The following SETD2 variants were observed in gnomAD, a reference collection of about 807,000 sequenced individuals.
The protein encoded by SETD2 is histone-lysine N-methyltransferase SETD2.
Under a neutral mutation model 242.1 loss-of-function variants are expected in SETD2, and 31 were observed. The observed-to-expected ratio is 0.13, with a 90% CI of 0.10 to 0.17. The LOEUF (loss-of-function observed/expected upper bound fraction) is 0.17, where lower values mean the gene tolerates loss of function less well. Among genes scored for constraint, SETD2 ranks in the 10% least tolerant of loss-of-function variants. The probability of loss-of-function intolerance (pLI) is 1.00; values close to 1 mark genes in which losing one functional copy is unlikely to be tolerated. For synonymous variants in SETD2, 1,006 were observed against 1,066.5 expected, an observed-to-expected ratio of 0.94 and a Z score of 1.11; for missense variants, 2,481 against 3,046.3, an observed-to-expected ratio of 0.81 and a Z score of 4.37.
chr3:47,129,670 G>A (rs1170875597), intron 1 of SETD2, among the ~76,000 whole-genome samples: 2 of 152,200 alleles, frequency 1.3e-5, no homozygotes, highest in African/African-American at 4.8e-5. Context: ...TGGATCACCT[G>A]AGGTTAGGAG....
At chr3:47,072,352 TTGTTA>T (rs1183169092) in intron 12 of SETD2, among the ~76,000 whole-genome samples, 1 of 152,188 alleles carries the variant, frequency 6.6e-6, no homozygotes, top group Non-Finnish European at 1.5e-5. Flanking sequence ...TTTCCACCTT[TTGTTA>T]TATAGAGATC....
chr3:47,069,572 C>T (rs1277270310), intron 12 of SETD2, among the ~76,000 whole-genome samples: 1 of 152,162 alleles, frequency 6.6e-6, no homozygotes, highest in African/African-American at 2.4e-5. Context: ...CTATTCTTAT[C>T]CTCACCCACC....
rs1038486814 is a variant in SETD2 at position 47,017,583 on chromosome 3, G to A, written c.7533+55C>T. The stretch of plus-strand genomic sequence containing the variant: ...TATGATGAAAAGGGCTTCTTAGAAG[G>A]TACACAGTTTGCCCAGAACATTGCC... On this transcript the variant is annotated intron_variant, in intron 20 of 20. Transcript: ENST00000409792. This position sits in a 1 kb window ranked among gnomAD's most constrained non-coding sequence, Gnocchi z 4.8. 5 of 1,235,102 alleles carry A rather than the reference G, an allele frequency of 4.0e-6. No individual in the cohort carries two copies. In the African/African-American group the frequency reaches 4.4e-5, roughly 11 times the overall value. The allele number at this position is 1,235,102 out of a possible 1,614,324, so 76.5% of individuals were successfully genotyped here. A position where few individuals can be genotyped will look rare whatever the true frequency, so the allele number is the denominator to read the frequency against.
intron 9 of SETD2, among the ~76,000 whole-genome samples, chr3:47,090,385 ATTTT>A (rs2107656799): frequency 6.6e-6 from 1 of 151,992 alleles, no homozygotes; most frequent in South Asian, 2.1e-4. Context: ...ATGGATTATT[ATTTT>A]TTTATTTTTT....
chr3:47,017,526 T>C lies in SETD2; in HGVS notation c.7533+112A>G. 1.2e-6 allele frequency: 1 copy of C among 844,074 alleles called. No individual in the cohort carries two copies. Among genetic ancestry groups the C allele is most frequent in the Non-Finnish European group, 1.9e-6 (1 of 525,134 alleles). The allele number at this position is 844,074 out of a possible 1,614,324, so 52.3% of individuals were successfully genotyped here. On this transcript the variant is annotated intron_variant, in intron 20 of 20. Transcript: ENST00000409792. This position sits in a 1 kb window ranked among gnomAD's most constrained non-coding sequence, Gnocchi z 4.8. ...CTCCCCGTTCCTGGGTCCCCAGCTC[T>C]GACATCTGACAAGAAAAAAAAAAAT...
intron 12 of SETD2, among the ~76,000 whole-genome samples, chr3:47,068,024 G>A (rs1222802533): frequency 6.6e-6 from 1 of 152,146 alleles, no homozygotes; most frequent in Non-Finnish European, 1.5e-5. Context: ...ACCTTTTCTT[G>A]TGTTATCTAA....
At chr3:47,058,763 A>G (rs369071097) in intron 14 of SETD2, among the ~76,000 whole-genome samples, 56 of 152,082 alleles carry the variant, frequency 3.7e-4, no homozygotes, top group Admixed American at 1.1e-3. Context: ...GGAGTTAGGG[A>G]TGTGGAAGGG....
intron 12 of SETD2, among the ~76,000 whole-genome samples, chr3:47,069,688 G>T (rs946358240): frequency 6.6e-5 from 10 of 152,120 alleles, no homozygotes; most frequent in Non-Finnish European, 1.2e-4. Context: ...CTTTAGAGAG[G>T]GGGTACATTC....
chr3:47,149,286 T>C (rs1281853239), intron 1 of SETD2, among the ~76,000 whole-genome samples: 1 of 152,186 alleles, frequency 6.6e-6, no homozygotes, highest in African/African-American at 2.4e-5. Context: ...ACAACCTGTA[T>C]GTCTTTGGAC....
chr3:47,131,420 T>C (rs930820801), intron 1 of SETD2, among the ~76,000 whole-genome samples: 3 of 152,142 alleles, frequency 2.0e-5, no homozygotes, highest in Non-Finnish European at 2.9e-5. Flanking sequence ...CTCAGCTCAC[T>C]GCAAGCTCCG....
rs114332101 is a variant in SETD2, at chr3:47,056,974, A to G, written c.6810T>C (p.Tyr2270=). ...ACTGTTGGTTTGAATCCCAAACACT[A>G]TAATTCTGTCCCTGAACTGGGCCGG... is the stretch of plus-strand genomic sequence containing the variant. ...PAPGPVQGQN[Y]SVWDSNQQSV... The change falls in exon 15 of 21, where the codon TAT becomes TAC. Residue 2270 remains tyrosine, a synonymous_variant. Coordinates refer to ENST00000409792, the MANE Select transcript of SETD2 (RefSeq NM_014159.7). 8.7e-6 allele frequency: 14 copies of G among 1,614,264 alleles called. No homozygotes were observed. In the African/African-American group the frequency reaches 9.3e-5, roughly 11 times the overall value.
intron 10 of SETD2, among the ~76,000 whole-genome samples, chr3:47,086,684 T>G (rs2107647266): frequency 6.6e-6 from 1 of 151,936 alleles, no homozygotes; most frequent in East Asian, 1.9e-4. Context: ...CTTTCTTCTC[T>G]CCCTTTCAGA....
intron 1 of SETD2, among the ~76,000 whole-genome samples, chr3:47,133,647 C>T (rs977704494): frequency 1.3e-5 from 2 of 152,072 alleles, no homozygotes; most frequent in Non-Finnish European, 2.9e-5. Flanking sequence ...GCATGAGATT[C>T]GCTTGAACCC....
intron 8 of SETD2, among the ~76,000 whole-genome samples, chr3:47,099,826 T>C (rs1432048696): frequency 6.6e-6 from 1 of 152,190 alleles, no homozygotes; most frequent in Non-Finnish European, 1.5e-5. Flanking sequence ...TCTCATCAAC[T>C]ATTTGGTTTA....
chr3:47,070,039 A>G (rs2107606989), intron 12 of SETD2, among the ~76,000 whole-genome samples: 1 of 152,332 alleles, frequency 6.6e-6, no homozygotes, highest in Non-Finnish European at 1.5e-5. Context: ...GGGTCCCACT[A>G]AGAATAACAC....
At chr3:47,067,000 T>C (rs944981154) in intron 13 of SETD2, 70 bp downstream of exon 13, 3 of 1,124,192 alleles carry the variant, frequency 2.7e-6, no homozygotes, top group African/African-American at 3.1e-5. Context: ...TAAGTTCTTA[T>C]CAGTTACCTC....
intron 8 of SETD2, among the ~76,000 whole-genome samples, chr3:47,101,134 G>C (rs1174100610): frequency 6.6e-6 from 1 of 151,278 alleles, no homozygotes; most frequent in East Asian, 1.9e-4. Context: ...AACGGATACA[G>C]AGGAATTTAT....
Position 47,113,280 on chromosome 3 carries a change from C to CT in SETD2, c.4715+595dup, listed in dbSNP as rs1464248061. 3.3e-5 allele frequency among the ~76,000 whole-genome samples: 5 copies of CT among 152,166 alleles called. No individual in the cohort carries two copies. In the East Asian group the frequency reaches 7.7e-4, roughly 24 times the overall value. ...ACTGCACCTGGCCTTCTCTTCTACT[C>CT]TTATCCCAACTCAATTTTATGTATA... On this transcript the variant is annotated intron_variant, in intron 5 of 20. Coordinates refer to ENST00000409792, the MANE Select transcript of SETD2 (RefSeq NM_014159.7).
At chr3:47,064,132 A>AC (rs2040456368) in intron 13 of SETD2, among the ~76,000 whole-genome samples, 1 of 152,212 alleles carries the variant, frequency 6.6e-6, no homozygotes, top group Non-Finnish European at 1.5e-5. Flanking sequence ...GTCTCAATAA[A>AC]CATTTACTGC....
Sources: allele counts gnomAD v4.1 joint callset (sites outside exome capture counted in the v4.1 genomes callset), GRCh38; gene constraint gnomAD v4.1.1; non-coding constraint Gnocchi (gnomAD v3.1); transcripts MANE v1.5; gene names NCBI Gene and HGNC (gene_info 2026-07-23, HGNC 2026-07-21).